DPP10: variants seen among roughly 807,000 people sequenced by gnomAD.
DPP10 encodes the protein dipeptidyl peptidase like 10, also known as inactive dipeptidyl peptidase 10.
DPP10 carries 33 observed loss-of-function variants against 120.9 expected under a neutral mutation model. The observed-to-expected ratio is 0.27, with a 90% CI of 0.21 to 0.37. The LOEUF (loss-of-function observed/expected upper bound fraction) is 0.37, where lower values mean the gene tolerates loss of function less well. Ranked by LOEUF, DPP10 falls within the 10% of genes least tolerant of loss-of-function variation. The pLI is 1.00. For synonymous variants in DPP10, 337 were observed against 326.1 expected, an observed-to-expected ratio of 1.03 and a Z score of -0.36; for missense variants, 816 against 942.8, an observed-to-expected ratio of 0.87 and a Z score of 1.76.
intron 8 of DPP10, among the ~76,000 whole-genome samples, chr2:115,734,800 TA>T (rs1237907237): frequency 6.6e-6 from 1 of 152,080 alleles, no homozygotes; most frequent in African/African-American, 2.4e-5. Flanking sequence ...AACCAAATTG[TA>T]AGTTAGTTGC....
chr2:115,348,716 A>G (rs2063836128), intron 3 of DPP10, among the ~76,000 whole-genome samples: 2 of 152,160 alleles, frequency 1.3e-5, no homozygotes. Flanking sequence ...TGATAAAAAA[A>G]AGTTGTAAAT....
At chr2:115,414,084 T>C (rs2069171160) in intron 3 of DPP10, among the ~76,000 whole-genome samples, 1 of 152,138 alleles carries the variant, frequency 6.6e-6, no homozygotes, top group Non-Finnish European at 1.5e-5. Context: ...ACAAACCTGA[T>C]TCATGCCAGG....
At chr2:115,043,669 A>G (rs1338926447) in intron 1 of DPP10, among the ~76,000 whole-genome samples, 2 of 152,192 alleles carry the variant, frequency 1.3e-5, no homozygotes, top group Non-Finnish European at 2.9e-5. Flanking sequence ...AGTACTCACT[A>G]GCAAGTCAAA....
intron 3 of DPP10, among the ~76,000 whole-genome samples, chr2:115,378,431 A>C (rs946729672): frequency 1.3e-5 from 2 of 151,636 alleles, no homozygotes; most frequent in Admixed American, 6.6e-5. Context: ...TAAGTTGCTT[A>C]TCAGCTTAAG....
intron 1 of DPP10, among the ~76,000 whole-genome samples, chr2:114,661,895 G>C (rs1054490820): frequency 6.6e-6 from 1 of 151,916 alleles, no homozygotes; most frequent in African/African-American, 2.4e-5. Context: ...GAAGATTTCT[G>C]ATACACAATG....
chr2:114,946,674 TAGATTTTTCTTGTTTATATTTCATTTA>T, intron 1 of DPP10, among the ~76,000 whole-genome samples: 1 of 152,220 alleles, frequency 6.6e-6, no homozygotes, highest in Admixed American at 6.5e-5. Context: ...TATACATCAA[TAGATTTTTCTTGTTTATATTTCATTTA>T]GGATTTTTTT....
chr2:115,409,669 CAA>C lies in DPP10; in HGVS notation c.271+65758_271+65759del, dbSNP rs557876177. Among the ~76,000 whole-genome samples, 194 of 152,246 alleles carry C rather than the reference CAA, an allele frequency of 1.3e-3. 1 individual carries two copies. Among genetic ancestry groups the C allele is most frequent in the African/African-American group, 4.6e-3 (191 of 41,544 alleles). ...AGCAATCCCACTATTGCATATCTAT[CAA>C]GAGGAAAAACCGTCATTAAATGAAA... On this transcript the variant is annotated intron_variant, in intron 3 of 25. Transcript: ENST00000410059.
intron 1 of DPP10, among the ~76,000 whole-genome samples, chr2:114,551,507 T>C (rs1462201807): frequency 6.6e-6 from 1 of 152,246 alleles, no homozygotes; most frequent in African/African-American, 2.4e-5. Flanking sequence ...GGTACTTTGC[T>C]GCCTCCTAGT....
intron 1 of DPP10, among the ~76,000 whole-genome samples, chr2:114,671,287 A>G (rs1698322369): frequency 6.6e-6 from 1 of 152,156 alleles, no homozygotes; most frequent in South Asian, 2.1e-4. Flanking sequence ...AATTGCCTAA[A>G]GATGCATTCC....
chr2:114,568,014 CTTAAAA>C (rs527901711), intron 1 of DPP10, among the ~76,000 whole-genome samples: 128 of 123,070 alleles, frequency 1.0e-3, no homozygotes, highest in African/African-American at 3.7e-3. Flanking sequence ...TACCCTGGAA[CTTAAAA>C]TTAAAAAAAA....
chr2:114,958,343 C>A (rs1249893585), intron 1 of DPP10, among the ~76,000 whole-genome samples: 1 of 152,104 alleles, frequency 6.6e-6, no homozygotes, highest in Non-Finnish European at 1.5e-5. Context: ...TAAGTTAGGT[C>A]ATGGTTCAGC....
At chr2:114,866,727 TC>T (rs1690266653) in intron 1 of DPP10, among the ~76,000 whole-genome samples, 1 of 152,192 alleles carries the variant, frequency 6.6e-6, no homozygotes, top group Non-Finnish European at 1.5e-5. Flanking sequence ...GCATAAGTAG[TC>T]TCTTCAGTAA....
At chr2:115,302,212 C>T (rs2061169764) in intron 1 of DPP10, among the ~76,000 whole-genome samples, 2 of 147,822 alleles carry the variant, frequency 1.4e-5, no homozygotes, top group African/African-American at 2.4e-5. Context: ...GGGAAATCTG[C>T]CCCCCGTCAT....
In DPP10 at chr2:114,735,360, C is replaced by T. The variant is rs766618586; in HGVS notation, c.60+292522C>T. On this transcript the variant is annotated intron_variant, in intron 1 of 25. Coordinates refer to ENST00000410059, the MANE Select transcript of DPP10 (RefSeq NM_020868.6). ...TTTTTACTGCTTGCAAAAAGGCAGG[C>T]GTGAATTTCTTCTGTTGGGGTAGCC... Among the ~76,000 whole-genome samples the T allele has an allele frequency of 7.2e-4, 110 of 152,116 alleles. 1 individual carries two copies. Among genetic ancestry groups the T allele is most frequent in the Non-Finnish European group, 1.2e-3 (84 of 68,006 alleles).
chr2:115,772,314 T>C (rs1681575597), intron 13 of DPP10, among the ~76,000 whole-genome samples: 1 of 152,184 alleles, frequency 6.6e-6, no homozygotes, highest in Non-Finnish European at 1.5e-5. Flanking sequence ...TAGATGTCAC[T>C]GTATATAAAG....
In DPP10 at chr2:115,239,885, G is replaced by A. The variant is rs910145440; in HGVS notation, c.61-69354G>A. 2.0e-5 allele frequency among the ~76,000 whole-genome samples: 3 copies of A among 152,216 alleles called. No homozygotes were observed. In the East Asian group the frequency reaches 5.8e-4, roughly 29 times the overall value. ...TTCTGTTCCCGTGTTAGTTTGCTGA[G>A]AATCATGGTTTCCAGCTTCATCTGT... On this transcript the variant is annotated intron_variant, in intron 1 of 25. Coordinates refer to ENST00000410059, the MANE Select transcript of DPP10 (RefSeq NM_020868.6).
At chr2:114,764,613 T>C (rs2106117489) in intron 1 of DPP10, among the ~76,000 whole-genome samples, 1 of 151,958 alleles carries the variant, frequency 6.6e-6, no homozygotes, top group African/African-American at 2.4e-5. Context: ...AGCCTAATAA[T>C]GCATCAAGAT....
chr2:114,495,515 TA>T (rs1682436269), intron 1 of DPP10, among the ~76,000 whole-genome samples: 1 of 152,160 alleles, frequency 6.6e-6, no homozygotes. Context: ...CCTATCATCT[TA>T]AAAAAATCTG....
intron 1 of DPP10, among the ~76,000 whole-genome samples, chr2:115,307,039 C>T (rs890394234): frequency 2.6e-5 from 4 of 152,166 alleles, no homozygotes; most frequent in Middle Eastern, 3.4e-3. Context: ...ATTTTATGAA[C>T]TAGAACTCCA....
Sources: gnomAD v4.1 joint callset for allele counts (sites outside exome capture counted in the v4.1 genomes callset) on GRCh38, gnomAD v4.1.1 for gene constraint, MANE v1.5 for transcripts, NCBI Gene and HGNC (gene_info 2026-07-23, HGNC 2026-07-21) for gene names.